DPYD: variants seen among roughly 807,000 people sequenced by gnomAD.
DPYD encodes the protein dihydropyrimidine dehydrogenase, also known as dihydropyrimidine dehydrogenase [NADP(+)].
DPYD carries 109 observed loss-of-function variants against 116.2 expected under a neutral mutation model. The observed-to-expected ratio is 0.94, with a 90% CI of 0.80 to 1.10. DPYD has a LOEUF of 1.10. DPYD is among the 50% of genes least tolerant of loss of function. The pLI is 0.00. For synonymous variants in DPYD, 440 were observed against 432.0 expected (o/e 1.02, Z -0.23); for missense variants, 1,302 against 1,254.5 (o/e 1.04, Z -0.57).
chr1:97,643,119 C>A (rs372153551), intron 8 of DPYD, among the ~76,000 whole-genome samples: 1 of 151,956 alleles, frequency 6.6e-6, no homozygotes, highest in East Asian at 1.9e-4. Flanking sequence ...TTCTGCACAG[C>A]AAAAGAAACT....
chr1:97,290,660 C>G (rs558980674), intron 18 of DPYD, among the ~76,000 whole-genome samples: 54 of 152,220 alleles, frequency 3.5e-4, no homozygotes, highest in Non-Finnish European at 2.9e-5. Flanking sequence ...TGGATCCCTT[C>G]CTTACACCTT....
intron 20 of DPYD, among the ~76,000 whole-genome samples, chr1:97,102,616 A>T (rs550450182): frequency 1.3e-5 from 2 of 151,668 alleles, no homozygotes; most frequent in East Asian, 3.9e-4. Context: ...ACATGTTTGC[A>T]TATGACATAG....
chr1:97,085,929 T>C (rs1212969721), intron 21 of DPYD, among the ~76,000 whole-genome samples: 1 of 152,248 alleles, frequency 6.6e-6, no homozygotes, highest in African/African-American at 2.4e-5. Context: ...AAATTATAGA[T>C]GATAACACTT....
At chr1:97,810,602 C>A (rs902620817) in intron 3 of DPYD, among the ~76,000 whole-genome samples, 1 of 152,072 alleles carries the variant, frequency 6.6e-6, no homozygotes, top group Admixed American at 6.5e-5. Flanking sequence ...AAACATCTCT[C>A]CAATCCCTGC....
intron 18 of DPYD, among the ~76,000 whole-genome samples, chr1:97,303,710 T>G (rs1291418605): frequency 1.3e-5 from 2 of 152,060 alleles, no homozygotes; most frequent in Non-Finnish European, 2.9e-5. Context: ...GTGAAGAAAC[T>G]TAATATAGAA....
intron 2 of DPYD, among the ~76,000 whole-genome samples, chr1:97,840,790 G>A (rs1214647356): frequency 6.6e-6 from 1 of 152,030 alleles, no homozygotes. Flanking sequence ...ATTATACTTT[G>A]TCTCCAAGAG....
chr1:97,762,115 T>C (rs1028662327), intron 3 of DPYD, among the ~76,000 whole-genome samples: 1 of 151,912 alleles, frequency 6.6e-6, no homozygotes, highest in Non-Finnish European at 1.5e-5. Context: ...TTCACACAAT[T>C]TACCTAAACA....
chr1:97,285,560 T>C (rs950424068), intron 18 of DPYD, among the ~76,000 whole-genome samples: 1 of 152,220 alleles, frequency 6.6e-6, no homozygotes, highest in Non-Finnish European at 1.5e-5. Context: ...GAAGGACTAC[T>C]ACTGCTGAAT....
chr1:97,830,460 T>C (rs1203590540), intron 2 of DPYD, among the ~76,000 whole-genome samples: 2 of 151,976 alleles, frequency 1.3e-5, no homozygotes, highest in South Asian at 2.1e-4. Flanking sequence ...ATGCCTGTAA[T>C]CCCAGCACTT....
chr1:97,163,477 T>G (rs1018499754), intron 20 of DPYD, among the ~76,000 whole-genome samples: 75 of 152,206 alleles, frequency 4.9e-4, no homozygotes, highest in African/African-American at 1.7e-3. Flanking sequence ...TTAGTCCATT[T>G]GTGCTGCTAT....
At chr1:97,549,882 A>T (rs1651191868) in intron 11 of DPYD, 138 bp from the exon 12 acceptor site, 1 of 822,332 alleles carries the variant, frequency 1.2e-6, no homozygotes. Context: ...AACTATAAAA[A>T]TGAAAAGCTA....
intron 12 of DPYD, among the ~76,000 whole-genome samples, chr1:97,533,141 AC>A (rs1176797450): frequency 6.7e-6 from 1 of 149,188 alleles, no homozygotes; most frequent in Non-Finnish European, 1.5e-5. Flanking sequence ...TGATTCAATC[AC>A]CCCCCACCAT....
intron 14 of DPYD, among the ~76,000 whole-genome samples, chr1:97,414,098 T>G (rs1674159789): frequency 6.6e-6 from 1 of 151,044 alleles, no homozygotes; most frequent in African/African-American, 2.4e-5. Context: ...CAAAAAGAAA[T>G]AAAACAAAAC....
At chr1:97,374,718 GAAAAAAAAA>G (rs144889184) in intron 15 of DPYD, among the ~76,000 whole-genome samples, 14 of 52,612 alleles carry the variant, frequency 2.7e-4, no homozygotes, top group African/African-American at 1.1e-3. Flanking sequence ...CTCCGTCTCA[GAAAAAAAAA>G]AAAAAAAAAA....
chr1:97,757,808 T>TCA (rs1235120269), intron 3 of DPYD, among the ~76,000 whole-genome samples: 1 of 152,174 alleles, frequency 6.6e-6, no homozygotes, highest in Non-Finnish European at 1.5e-5. Flanking sequence ...AGACAAGTAT[T>TCA]CACAATATGT....
At chr1:97,170,771 G>T (rs1000454079) in intron 20 of DPYD, among the ~76,000 whole-genome samples, 1 of 151,868 alleles carries the variant, frequency 6.6e-6, no homozygotes, top group African/African-American at 2.4e-5. Flanking sequence ...CGCCTCCTGG[G>T]TTCAAGCTAT....
At chr1:97,888,125 G>T (rs1043804874) in intron 1 of DPYD, among the ~76,000 whole-genome samples, 1 of 152,004 alleles carries the variant, frequency 6.6e-6, no homozygotes, top group African/African-American at 2.4e-5. Context: ...ATGTCTTAGA[G>T]AGTACAGAAT....
chr1:97,819,962 C>T (rs1404581574), intron 3 of DPYD, among the ~76,000 whole-genome samples: 1 of 151,988 alleles, frequency 6.6e-6, no homozygotes, highest in East Asian at 1.9e-4. Flanking sequence ...CATGCACACA[C>T]ACAAATCTCT....
chr1:97,424,447 C>A (rs752021856), intron 14 of DPYD, among the ~76,000 whole-genome samples: 2 of 152,036 alleles, frequency 1.3e-5, no homozygotes, highest in African/African-American at 2.4e-5. Flanking sequence ...GACACAGAAG[C>A]ACAGTGTGAA....
Sources: gnomAD v4.1 joint callset for allele counts (sites outside exome capture counted in the v4.1 genomes callset) on GRCh38, gnomAD v4.1.1 for gene constraint, MANE v1.5 for transcripts, NCBI Gene and HGNC (gene_info 2026-07-23, HGNC 2026-07-21) for gene names.